Variants in FOXP1 observed in about 807,000 individuals in gnomAD.
FOXP1 encodes the protein forkhead box protein P1.
A neutral mutation model predicts 98.2 loss-of-function variants in FOXP1; 15 were observed. That is an observed-to-expected ratio of 0.15 (90% confidence interval 0.10 to 0.24). The LOEUF is 0.24. Among genes scored for constraint, FOXP1 ranks in the 10% least tolerant of loss-of-function variants. The pLI, the probability that FOXP1 is intolerant of heterozygous loss-of-function variation, is 1.00. For missense variants in FOXP1, 633 were observed against 848.5 expected (o/e 0.75, Z 3.15); for synonymous variants, 371 against 314.5 (o/e 1.18, Z -1.90).
intron 6 of FOXP1, among the ~76,000 whole-genome samples, chr3:71,185,182 G>A (rs2062573172): frequency 6.6e-6 from 1 of 151,632 alleles, no homozygotes; most frequent in African/African-American, 2.4e-5. Flanking sequence ...GACAGACCAC[G>A]ACTCCGTCTC....
chr3:71,270,720 A>G (rs2070262039), intron 5 of FOXP1, among the ~76,000 whole-genome samples: 1 of 152,234 alleles, frequency 6.6e-6, no homozygotes, highest in South Asian at 2.1e-4. Flanking sequence ...AGATAACCCC[A>G]GATCAGGCCC....
intron 6 of FOXP1, among the ~76,000 whole-genome samples, chr3:71,169,817 T>C (rs1328801681): frequency 3.3e-5 from 5 of 151,358 alleles, no homozygotes; most frequent in Non-Finnish European, 1.5e-5. Context: ...TGCTCAGATA[T>C]GTAATTCAAA....
intron 4 of FOXP1, chr3:71,305,547 A>G (rs2074211874): frequency 6.6e-6 from 1 of 152,226 alleles, no homozygotes; most frequent in Admixed American, 6.5e-5. Flanking sequence ...AGTCTTAGAC[A>G]CTGTTTGAAG....
intron 4 of FOXP1, among the ~76,000 whole-genome samples, chr3:71,343,608 T>A (rs1455590213): frequency 7.4e-6 from 1 of 134,470 alleles, no homozygotes; most frequent in Middle Eastern, 4.9e-3. Flanking sequence ...CAGGCTGGAG[T>A]ACAGTGGAGT....
intron 3 of FOXP1, among the ~76,000 whole-genome samples, chr3:71,369,305 G>A (rs1210875964): frequency 6.6e-6 from 1 of 152,190 alleles, no homozygotes; most frequent in East Asian, 1.9e-4. Context: ...CAAGAGAATA[G>A]CTTGAATCTG....
At chr3:71,130,675 C>T in intron 6 of FOXP1, 4 of 1,587,888 alleles carry the variant, frequency 2.5e-6, no homozygotes, top group Non-Finnish European at 3.4e-6. Context: ...AGAAAACACA[C>T]TGGAACATTG....
At chr3:71,558,178 A>T (rs1350897696) in intron 2 of FOXP1, among the ~76,000 whole-genome samples, 1 of 152,118 alleles carries the variant, frequency 6.6e-6, no homozygotes, top group Non-Finnish European at 1.5e-5. Context: ...TTGGCCTCTC[A>T]TCATTCTTTT....
chr3:71,345,494 A>T (rs2077280162), intron 4 of FOXP1, among the ~76,000 whole-genome samples: 1 of 152,058 alleles, frequency 6.6e-6, no homozygotes, highest in Non-Finnish European at 1.5e-5. Flanking sequence ...AATTGAAAAG[A>T]TGCCTTTAGC....
At chr3:71,107,123 T>C (rs529651984) in intron 7 of FOXP1, among the ~76,000 whole-genome samples, 2 of 152,142 alleles carry the variant, frequency 1.3e-5, no homozygotes, top group East Asian at 3.9e-4. Context: ...AGCCATGGAG[T>C]GGGCTGTCCT....
intron 3 of FOXP1, among the ~76,000 whole-genome samples, chr3:71,411,847 A>G (rs2082774391): frequency 1.3e-5 from 2 of 152,086 alleles, no homozygotes; most frequent in Admixed American, 1.3e-4. Context: ...ATACACCTCC[A>G]TTTCTTCATC....
At position 71,083,007 on chromosome 3, in the gene FOXP1, G is replaced by A. The variant is rs560585339; in HGVS notation, c.283-29234C>T. Among the ~76,000 whole-genome samples the A allele has an allele frequency of 1.8e-4, 28 of 152,290 alleles. No individual in the cohort carries two copies. The East Asian group carries it at 4.4e-3, about 24-fold the overall frequency. On this transcript the variant is annotated intron_variant, in intron 7 of 20. Coordinates refer to ENST00000649528, the MANE Select transcript of FOXP1 (RefSeq NM_001349338.3). ...TACTCCTTATCTATTCTGGATCTAC[G>A]TGGTTTTAAGGGAGCCAACATCATC...
chr3:71,290,580 TGA>T (rs1472055657), intron 5 of FOXP1, among the ~76,000 whole-genome samples: 4 of 152,170 alleles, frequency 2.6e-5, no homozygotes, highest in Non-Finnish European at 5.9e-5. Flanking sequence ...TTAAAAAGCA[TGA>T]GTGAGATCTT....
chr3:71,569,547 C>T (rs1293024126), intron 2 of FOXP1, among the ~76,000 whole-genome samples: 1 of 152,074 alleles, frequency 6.6e-6, no homozygotes, highest in African/African-American at 2.4e-5. Flanking sequence ...TACTCTGCTA[C>T]AGAGTGAAAG....
intron 7 of FOXP1, among the ~76,000 whole-genome samples, chr3:71,078,964 T>A (rs2054119996): frequency 1.3e-5 from 2 of 152,156 alleles, no homozygotes; most frequent in Admixed American, 1.3e-4. Context: ...GTGGATGCTA[T>A]GGAACTCCTG....
At chr3:71,148,368 G>A (rs536767716) in intron 6 of FOXP1, among the ~76,000 whole-genome samples, 3 of 149,890 alleles carry the variant, frequency 2.0e-5, no homozygotes, top group Non-Finnish European at 4.5e-5. Flanking sequence ...GCAACAGAAC[G>A]AGACTCGGTC....
chr3:71,168,054 T>C (rs1029265533), intron 6 of FOXP1, among the ~76,000 whole-genome samples: 2 of 152,182 alleles, frequency 1.3e-5, no homozygotes, highest in Non-Finnish European at 2.9e-5. Flanking sequence ...TTAAGACGCA[T>C]TTATTGATAG....
At chr3:71,337,062 T>C (rs569145478) in intron 4 of FOXP1, among the ~76,000 whole-genome samples, 25 of 152,268 alleles carry the variant, frequency 1.6e-4, no homozygotes, top group Middle Eastern at 3.4e-3. Flanking sequence ...GTGGACAATA[T>C]TAAACTGTGG....
At chr3:71,433,282 G>A (rs1329734503) in intron 3 of FOXP1, among the ~76,000 whole-genome samples, 2 of 152,060 alleles carry the variant, frequency 1.3e-5, no homozygotes, top group South Asian at 4.1e-4. Context: ...ACCACTTTAG[G>A]CATTGTTTTT....
chr3:71,057,807 G>T (rs1459661633), intron 7 of FOXP1, among the ~76,000 whole-genome samples: 1 of 152,114 alleles, frequency 6.6e-6, no homozygotes, highest in East Asian at 1.9e-4. Context: ...ACCCAAACCT[G>T]CGGGAATGGC....
Sources: allele counts gnomAD v4.1 joint callset (sites outside exome capture counted in the v4.1 genomes callset), GRCh38; gene constraint gnomAD v4.1.1; transcripts MANE v1.5; gene names NCBI Gene and HGNC (gene_info 2026-07-23, HGNC 2026-07-21).